Variants in ZZEF1 observed in about 807,000 individuals in gnomAD.
ZZEF1 encodes zinc finger ZZ-type and EF-hand domain-containing protein 1.
ZZEF1 carries 157 observed loss-of-function variants against 342.8 expected under a neutral mutation model. The ratio of observed to expected loss-of-function variants is 0.46; its 90% confidence interval spans 0.40 to 0.52. The LOEUF (loss-of-function observed/expected upper bound fraction) is 0.52, where lower values mean the gene tolerates loss of function less well. ZZEF1 is among the 20% of genes least tolerant of loss of function. The pLI is 0.00. For synonymous variants in ZZEF1, 1,505 were observed against 1,429.1 expected, an observed-to-expected ratio of 1.05 and a Z score of -1.20; for missense variants, 3,480 against 3,725.6, an observed-to-expected ratio of 0.93 and a Z score of 1.72.
chr17:4,087,363 T>C (rs1365501300), intron 14 of ZZEF1, 71 bp downstream of exon 14: 6 of 1,282,820 alleles, frequency 4.7e-6, no homozygotes, highest in African/African-American at 1.5e-5. Context: ...AGGAAAAAAA[T>C]CCACTTAGAA....
rs907510917 is a variant in ZZEF1, at chr17:4,117,194, T to C, written c.500-28A>G. The C allele has an allele frequency of 3.8e-6, 6 of 1,583,870 alleles. No individual in the cohort carries two copies. In the African/African-American group the frequency reaches 8.1e-5, roughly 21 times the overall value. ...AAACAGATGAAATCCATTTTTGGTGTTTTGGGGAAGCCACAGTAGTTTCCA... is the reference window on the plus strand; with the variant it reads ...AAACAGATGAAATCCATTTTTGGTGCTTTGGGGAAGCCACAGTAGTTTCCA... On this transcript the variant is annotated intron_variant, in intron 2 of 54. Coordinates refer to ENST00000381638, the MANE Select transcript of ZZEF1 (RefSeq NM_015113.4).
chr17:4,099,020 C>G (rs1241156765), intron 9 of ZZEF1, among the ~76,000 whole-genome samples: 1 of 152,116 alleles, frequency 6.6e-6, no homozygotes, highest in African/African-American at 2.4e-5. Flanking sequence ...GATAAATCAG[C>G]AATTTTAGTT....
chr17:4,085,657 T>TA lies in ZZEF1; in HGVS notation c.2646+12dup, dbSNP rs762494995. The TA allele has an allele frequency of 6.2e-7, 1 of 1,613,426 alleles. No homozygotes were observed. Among genetic ancestry groups the TA allele is most frequent in the Non-Finnish European group, 8.5e-7 (1 of 1,179,632 alleles). On this transcript the variant is annotated intron_variant, in intron 16 of 54. Transcript: ENST00000381638. Reference sequence around the variant, plus strand: ...ACTTCAGACATTGAATCCAGACTTTTAGTAATAATTACCATCATGGTGAAG... The same window carrying TA: ...ACTTCAGACATTGAATCCAGACTTTTAAGTAATAATTACCATCATGGTGAAG...
At chr17:4,020,798 T>C (rs2056248509) in intron 45 of ZZEF1, among the ~76,000 whole-genome samples, 1 of 152,248 alleles carries the variant, frequency 6.6e-6, no homozygotes, top group African/African-American at 2.4e-5. Flanking sequence ...AGGAAGGAAC[T>C]ATCGTATAGA....
chr17:4,036,294 G>A (rs562693778), intron 39 of ZZEF1, among the ~76,000 whole-genome samples: 1 of 152,282 alleles, frequency 6.6e-6, no homozygotes, highest in East Asian at 1.9e-4. Flanking sequence ...TGTGGGGTAA[G>A]TGGCACCTGT....
In ZZEF1 at chr17:4,005,979, A is replaced by C. The variant is rs1443759426; in HGVS notation, c.*911T>G. 6.6e-6 allele frequency: 1 copy of C among 152,246 alleles called. No individual in the cohort carries two copies. The highest frequency in any genetic ancestry group is 6.5e-5 in the Admixed American group (1 of 15,284). 9.4% of individuals were successfully genotyped at this position (152,246 alleles called of 1,614,324 possible). A position where few individuals can be genotyped will look rare whatever the true frequency, so the allele number is the denominator to read the frequency against. ...CAGCCAAACAGCCACGCAGAGTCCC[A>C]GAGGTGGGTATGACAGACTACCATG... On this transcript the variant is annotated 3_prime_UTR_variant, in exon 55 of 55. Coordinates refer to ENST00000381638, the MANE Select transcript of ZZEF1 (RefSeq NM_015113.4).
At chr17:4,031,279 G>A (rs748783669) in intron 42 of ZZEF1, among the ~76,000 whole-genome samples, 3 of 151,320 alleles carry the variant, frequency 2.0e-5, no homozygotes, top group Non-Finnish European at 2.9e-5. Context: ...TCGTGTCACC[G>A]CACTCCAGCC....
chr17:4,128,840 C>T (rs1346043130), intron 1 of ZZEF1, among the ~76,000 whole-genome samples: 2 of 139,884 alleles, frequency 1.4e-5, no homozygotes, highest in African/African-American at 2.7e-5. Context: ...GGTGGGATCT[C>T]GGCTTACTGC....
chr17:4,133,981 C>T (rs545574956), intron 1 of ZZEF1, among the ~76,000 whole-genome samples: 6 of 152,230 alleles, frequency 3.9e-5, no homozygotes, highest in South Asian at 4.1e-4. Flanking sequence ...CTGGATTTAT[C>T]GGCATAAGCC....
In ZZEF1 at chr17:4,096,717, C is replaced by A; in HGVS notation, c.1673-17G>T. The stretch of plus-strand genomic sequence containing the variant: ...TAAGAAAACCTGAAAAAAGGGAAAA[C>A]TCAAGTTAGGGAACTAACCCATTTT... On this transcript the variant is annotated splice_polypyrimidine_tract_variant and intron_variant, in intron 9 of 54. Transcript: ENST00000381638. 1.2e-6 allele frequency: 2 copies of A among 1,611,194 alleles called. No individual in the cohort carries two copies. Among genetic ancestry groups the A allele is most frequent in the Non-Finnish European group, 8.5e-7 (1 of 1,177,784 alleles).
intron 38 of ZZEF1, among the ~76,000 whole-genome samples, chr17:4,042,979 G>A (rs2056834592): frequency 6.6e-6 from 1 of 152,206 alleles, no homozygotes; most frequent in Non-Finnish European, 1.5e-5. Flanking sequence ...ACTGCTCCCG[G>A]CCTAAAGCTG....
intron 1 of ZZEF1, among the ~76,000 whole-genome samples, chr17:4,132,575 G>A (rs1239280172): frequency 6.6e-6 from 1 of 151,890 alleles, no homozygotes; most frequent in Non-Finnish European, 1.5e-5. Flanking sequence ...GCAGGCGCCT[G>A]TAATCCCAGC....
At chr17:4,055,266 G>A (rs1371924833) in intron 33 of ZZEF1, among the ~76,000 whole-genome samples, 1 of 152,178 alleles carries the variant, frequency 6.6e-6, no homozygotes, top group African/African-American at 2.4e-5. Flanking sequence ...TAACATATGC[G>A]AGAGAAAAAG....
intron 43 of ZZEF1, among the ~76,000 whole-genome samples, 177 bp downstream of exon 43, chr17:4,024,741 GA>G (rs2056364348): frequency 6.6e-6 from 1 of 152,194 alleles, no homozygotes; most frequent in Non-Finnish European, 1.5e-5. Context: ...AAGCCATCAG[GA>G]AAATTGTATT....
intron 11 of ZZEF1, among the ~76,000 whole-genome samples, chr17:4,092,918 G>T (rs1354272643): frequency 5.3e-5 from 8 of 151,030 alleles, no homozygotes; most frequent in Non-Finnish European, 2.9e-5. Flanking sequence ...GCTGACCCTG[G>T]AGCATGCTGA....
chr17:4,126,863 A>C (rs2058581238), intron 1 of ZZEF1, among the ~76,000 whole-genome samples: 1 of 152,134 alleles, frequency 6.6e-6, no homozygotes, highest in Admixed American at 6.5e-5. Flanking sequence ...GCTACTCCAG[A>C]GGCTGAGGCA....
At chr17:4,098,135 G>A (rs2058069572) in intron 9 of ZZEF1, among the ~76,000 whole-genome samples, 3 of 151,664 alleles carry the variant, frequency 2.0e-5, no homozygotes, top group Admixed American at 2.0e-4. Flanking sequence ...CTACTCAGGA[G>A]GATGAGACAG....
intron 39 of ZZEF1, among the ~76,000 whole-genome samples, chr17:4,038,114 T>C (rs2145090038): frequency 6.6e-6 from 1 of 152,364 alleles, no homozygotes; most frequent in South Asian, 2.1e-4. Context: ...AAATTATTTG[T>C]ATAGTACTTT....
Position 4,052,159 on chromosome 17 carries a change from G to A in ZZEF1, c.5435-23C>T, listed in dbSNP as rs781731670. 6 of 1,594,110 alleles carry A rather than the reference G, an allele frequency of 3.8e-6. No individual in the cohort carries two copies. In the Admixed American group the frequency reaches 1.1e-4, roughly 28 times the overall value. On this transcript the variant is annotated intron_variant, in intron 34 of 54. Transcript: ENST00000381638. ...CACCTGAGGAGAAACACAGCAGTGT[G>A]AGGGGATGAGGTAGAGGGCTCCTAG...
Sources: allele counts gnomAD v4.1 joint callset (sites outside exome capture counted in the v4.1 genomes callset), GRCh38; gene constraint gnomAD v4.1.1; transcripts MANE v1.5; gene names NCBI Gene and HGNC (gene_info 2026-07-23, HGNC 2026-07-21).